Variants in INPP4B observed in about 807,000 individuals in gnomAD.
INPP4B encodes the protein inositol polyphosphate-4-phosphatase type II B, also known as inositol polyphosphate 4-phosphatase type II.
Under a neutral mutation model 122.5 loss-of-function variants are expected in INPP4B, and 55 were observed. The observed-to-expected ratio is 0.45, with a 90% confidence interval of 0.36 to 0.56. The LOEUF (loss-of-function observed/expected upper bound fraction) is 0.56, where lower values mean the gene tolerates loss of function less well. Ranked by LOEUF, INPP4B falls within the 20% of genes least tolerant of loss-of-function variation. The probability of loss-of-function intolerance (pLI) is 0.00; values close to 1 mark genes in which losing one functional copy is unlikely to be tolerated. For synonymous variants in INPP4B, 403 were observed against 388.7 expected, an observed-to-expected ratio of 1.04 and a Z score of -0.43; for missense variants, 1,000 against 1,097.7, an observed-to-expected ratio of 0.91 and a Z score of 1.26.
intron 2 of INPP4B, among the ~76,000 whole-genome samples, chr4:142,720,710 C>A: frequency 1.6e-5 from 1 of 61,808 alleles, no homozygotes; most frequent in South Asian, 4.4e-4. Context: ...GAACAGCCAA[C>A]TGTATATGTG....
Position 142,208,903 on chromosome 4 carries a change from C to A in INPP4B, c.960G>T (p.Lys320Asn). ...MYQDILTELS[K>N]ETGSSFKSSS... ...GAGAAATTGCTTCCACACCTGTTTC[C>A]TTGCTAAGTTCTGTCAGAATGTCTT... The change falls in exon 13 of 26, where the codon AAG (lysine) becomes AAT (asparagine). Residue 320 changes from lysine (K) to asparagine (N), a missense_variant. Lys to Asn is a moderately conservative substitution (Grantham distance 94). Transcript: ENST00000262992. The A allele has an allele frequency of 6.4e-7, 1 of 1,561,514 alleles. No individual in the cohort carries two copies. The highest frequency in any genetic ancestry group is 1.3e-5 in the South Asian group (1 of 79,190).
chr4:142,386,549 C>T (rs1796025811), intron 7 of INPP4B, among the ~76,000 whole-genome samples: 1 of 152,164 alleles, frequency 6.6e-6, no homozygotes, highest in Non-Finnish European at 1.5e-5. Context: ...TGAGTCTTGG[C>T]CAATCCCAGC....
Position 142,082,155 on chromosome 4 carries a change from T to C in INPP4B, c.2518A>G (p.Thr840Ala). ...ICRKLNGIRF[T>A]CCKSAKDRTS... ...CTGTCTTTGGCACTTTTACAACAGG[T>C]GAAACGAATACCATTCAGTTTGCGG... Residue 840 changes from threonine to alanine, a missense_variant, in exon 25 of 26, where the codon ACC (threonine) becomes GCC (alanine). Transcript: ENST00000262992. 1 of 1,532,356 alleles carries C rather than the reference T, an allele frequency of 6.5e-7. No homozygotes were observed. The highest frequency in any genetic ancestry group is 8.9e-7 in the Non-Finnish European group (1 of 1,120,938). The allele number at this position is 1,532,356 out of a possible 1,614,324, so 94.9% of individuals were successfully genotyped here. A position where few individuals can be genotyped will look rare whatever the true frequency, so the allele number is the denominator to read the frequency against.
At chr4:142,783,226 C>T (rs1775170543) in intron 1 of INPP4B, among the ~76,000 whole-genome samples, 1 of 152,044 alleles carries the variant, frequency 6.6e-6, no homozygotes, top group African/African-American at 2.4e-5. Context: ...AGTGAACAGG[C>T]AACCTATAAA....
At chr4:142,457,694 T>C (rs935967287) in intron 3 of INPP4B, among the ~76,000 whole-genome samples, 2 of 152,218 alleles carry the variant, frequency 1.3e-5, no homozygotes, top group Admixed American at 6.5e-5. Flanking sequence ...GGATCTCTCA[T>C]ACACTGCAAG....
intron 10 of INPP4B, among the ~76,000 whole-genome samples, chr4:142,267,703 C>G (rs1230918024): frequency 6.6e-6 from 1 of 151,966 alleles, no homozygotes; most frequent in African/African-American, 2.4e-5. Context: ...GGAACAAAAG[C>G]AAAAATAAGC....
intron 7 of INPP4B, among the ~76,000 whole-genome samples, chr4:142,398,404 ATATATATATATATATATATAT>A (rs1800321621): frequency 1.9e-4 from 2 of 10,710 alleles, no homozygotes; most frequent in African/African-American, 2.7e-4. Flanking sequence ...AAAAAAAAAT[ATATATATATATATATATATAT>A]ATATATATAT....
chr4:142,479,669 C>A (rs572843909), intron 2 of INPP4B, among the ~76,000 whole-genome samples: 1 of 151,952 alleles, frequency 6.6e-6, no homozygotes, highest in Non-Finnish European at 1.5e-5. Context: ...AGCAAATGAA[C>A]GGAGCTGAAA....
At chr4:142,486,282 T>C (rs1243457754) in intron 2 of INPP4B, among the ~76,000 whole-genome samples, 1 of 152,226 alleles carries the variant, frequency 6.6e-6, no homozygotes, top group Non-Finnish European at 1.5e-5. Flanking sequence ...TTGTTCTACA[T>C]TCTCACCAAC....
intron 18 of INPP4B, among the ~76,000 whole-genome samples, chr4:142,133,878 T>C (rs1432326225): frequency 1.3e-5 from 2 of 152,238 alleles, no homozygotes; most frequent in African/African-American, 2.4e-5. Context: ...AGCTTTTAAA[T>C]GAGACCTACA....
chr4:142,716,549 G>A (rs1763796796), intron 2 of INPP4B, among the ~76,000 whole-genome samples: 1 of 152,106 alleles, frequency 6.6e-6, no homozygotes, highest in Non-Finnish European at 1.5e-5. Flanking sequence ...GATCCTAAAA[G>A]AAGAATCTTT....
At chr4:142,431,128 T>C (rs1809215749) in intron 4 of INPP4B, 41 bp downstream of exon 4, 2 of 1,492,002 alleles carry the variant, frequency 1.3e-6, no homozygotes, top group African/African-American at 2.8e-5. Context: ...CCAATTTGCA[T>C]CTTTAGATGC....
At chr4:142,821,000 T>C (rs1396623937) in intron 1 of INPP4B, among the ~76,000 whole-genome samples, 1 of 152,154 alleles carries the variant, frequency 6.6e-6, no homozygotes, top group Non-Finnish European at 1.5e-5. Flanking sequence ...TCTCATGATT[T>C]CTATTACAAC....
intron 1 of INPP4B, among the ~76,000 whole-genome samples, chr4:142,836,157 T>G (rs1782740874): frequency 6.6e-6 from 1 of 152,178 alleles, no homozygotes. Flanking sequence ...CTCAATTCCA[T>G]TTATTCACTC....
intron 2 of INPP4B, among the ~76,000 whole-genome samples, chr4:142,670,513 G>C (rs1213553080): frequency 6.6e-6 from 1 of 152,038 alleles, no homozygotes; most frequent in East Asian, 1.9e-4. Flanking sequence ...AGATGAACCA[G>C]AAGGAAATTA....
intron 25 of INPP4B, among the ~76,000 whole-genome samples, chr4:142,073,223 C>T (rs947210382): frequency 9.9e-5 from 15 of 152,126 alleles, no homozygotes; most frequent in African/African-American, 3.6e-4. Flanking sequence ...GATAGGCTCA[C>T]TAAATGGAAG....
At chr4:142,120,570 G>A (rs191862556) in intron 21 of INPP4B, among the ~76,000 whole-genome samples, 297 of 152,044 alleles carry the variant, frequency 2.0e-3, no homozygotes, top group African/African-American at 6.7e-3. Flanking sequence ...TATTCTTTTC[G>A]ATGTGATTAT....
chr4:142,380,577 T>C (rs1318736746), intron 7 of INPP4B, among the ~76,000 whole-genome samples: 2 of 152,172 alleles, frequency 1.3e-5, no homozygotes, highest in Non-Finnish European at 2.9e-5. Context: ...GGCACTCTTC[T>C]TTTTAAATGA....
At chr4:142,249,284 C>T (rs1730718169) in intron 11 of INPP4B, among the ~76,000 whole-genome samples, 1 of 152,060 alleles carries the variant, frequency 6.6e-6, no homozygotes, top group Non-Finnish European at 1.5e-5. Flanking sequence ...AACTTTCTCA[C>T]AGGGTCTACT....
Sources: allele counts gnomAD v4.1 joint callset (sites outside exome capture counted in the v4.1 genomes callset), GRCh38; gene constraint gnomAD v4.1.1; transcripts MANE v1.5; gene names NCBI Gene and HGNC (gene_info 2026-07-23, HGNC 2026-07-21).